The following ABCC11 variants were observed in gnomAD, a reference collection of about 807,000 sequenced individuals.
ABCC11 encodes the protein ATP-binding cassette sub-family C member 11.
In ABCC11, 135 loss-of-function variants were observed where a neutral mutation model predicts 149.3. That is an observed-to-expected ratio of 0.90 (90% confidence interval 0.79 to 1.04). The LOEUF (loss-of-function observed/expected upper bound fraction) is 1.04, where lower values mean the gene tolerates loss of function less well. Ranked by LOEUF, ABCC11 falls within the 50% of genes least tolerant of loss-of-function variation. The pLI, the probability that ABCC11 is intolerant of heterozygous loss-of-function variation, is 0.00. For synonymous variants in ABCC11, 665 were observed against 671.4 expected (o/e 0.99, Z 0.15); for missense variants, 1,680 against 1,722.1 (o/e 0.98, Z 0.43).
rs373983229 is a variant in ABCC11, at chr16:48,170,093, T to C, written c.3891+12A>G. Reference sequence around the variant, plus strand: ...GTGGCTTCCCCTGGCCACACGGCAGTGGTGGCCTCACCTTGGAGTTGCGAA... The same window carrying C: ...GTGGCTTCCCCTGGCCACACGGCAGCGGTGGCCTCACCTTGGAGTTGCGAA... On this transcript the variant is annotated intron_variant, in intron 28 of 29. Transcript: ENST00000356608. The C allele has an allele frequency of 3.3e-5, 53 of 1,606,544 alleles. 1 individual carries two copies. The highest frequency in any genetic ancestry group is 4.3e-5 in the Non-Finnish European group (50 of 1,173,622).
At chr16:48,197,872 G>A in intron 17 of ABCC11, 99 bp downstream of exon 17, 2 of 1,287,766 alleles carry the variant, frequency 1.6e-6, no homozygotes, top group Non-Finnish European at 2.2e-6. Flanking sequence ...AAGACACTGA[G>A]GGACATGGCC....
At chr16:48,197,004 AT>A (rs947495878) in intron 17 of ABCC11, among the ~76,000 whole-genome samples, 19 of 147,878 alleles carry the variant, frequency 1.3e-4, no homozygotes, top group African/African-American at 4.0e-4. Flanking sequence ...CAGGATGGAA[AT>A]TTTTTGAGTA....
chr16:48,171,172 C>T (rs1965694017), intron 26 of ABCC11, among the ~76,000 whole-genome samples: 1 of 152,170 alleles, frequency 6.6e-6, no homozygotes, highest in Admixed American at 6.5e-5. Context: ...GTTTAGGGGC[C>T]ACCTCCTCCC....
intron 27 of ABCC11, 112 bp from the exon 28 acceptor site, chr16:48,170,330 G>T (rs1019229686): frequency 6.2e-6 from 5 of 804,222 alleles, no homozygotes; most frequent in African/African-American, 1.7e-5. Context: ...CTCTCTCTAC[G>T]CTCCAGCCTC....
In ABCC11 at chr16:48,227,804, A is replaced by G. The variant is rs1423723472; in HGVS notation, c.395+2T>C. ...CCACTGGTTTGCCCAGCGCAGCTTC[A>G]CCTTTGGACATTTTTGTCTGAGGCA... On this transcript the variant is annotated splice_donor_variant, in intron 4 of 29. Coordinates refer to ENST00000356608, the MANE Select transcript of ABCC11 (RefSeq NM_001370497.1). LOFTEE classifies it high-confidence loss of function. 1.2e-6 allele frequency: 2 copies of G among 1,613,662 alleles called. No homozygotes were observed. The highest frequency in any genetic ancestry group is 1.7e-5 in the Admixed American group (1 of 59,986).
intron 12 of ABCC11, 53 bp from the exon 13 acceptor site, chr16:48,205,590 T>C (rs1333360586): frequency 6.3e-7 from 1 of 1,594,976 alleles, no homozygotes; most frequent in Non-Finnish European, 8.5e-7. Flanking sequence ...GGACAGAGCC[T>C]GCCTGGCTCA....
intron 19 of ABCC11, 51 bp from the exon 20 acceptor site, chr16:48,192,768 T>C: frequency 1.3e-6 from 2 of 1,584,938 alleles, no homozygotes; most frequent in African/African-American, 1.3e-5. Context: ...GGAAATTCAG[T>C]GGCAGGGAAA....
In ABCC11 at chr16:48,230,487, C is replaced by A. The variant is rs773819798; in HGVS notation, c.186G>T (p.Gly62=). The A allele has an allele frequency of 6.2e-7, 1 of 1,612,370 alleles. No homozygotes were observed. ...TGGTTCTCAAGGCAGCATCATACTTCCCCCACGGTGGGACAGCTGCCCTCC... is the reference window on the plus strand; with the variant it reads ...TGGTTCTCAAGGCAGCATCATACTTACCCCACGGTGGGACAGCTGCCCTCC... ...APGRAAVPPW[G]KYDAALRTMI... Residue 62 remains glycine, a synonymous_variant, in exon 3 of 30, where the codon GGG becomes GGT. Coordinates refer to ENST00000356608, the MANE Select transcript of ABCC11 (RefSeq NM_001370497.1).
At chr16:48,199,672 ATTTTTTTTTT>A (rs71134549) in intron 15 of ABCC11, among the ~76,000 whole-genome samples, 1 of 58,242 alleles carries the variant, frequency 1.7e-5, no homozygotes, top group Non-Finnish European at 3.1e-5. Context: ...TTTTTTATTG[ATTTTTTTTTT>A]TTTTTTTTTT....
At chr16:48,228,804 C>T (rs1180168643) in intron 3 of ABCC11, among the ~76,000 whole-genome samples, 1 of 151,690 alleles carries the variant, frequency 6.6e-6, no homozygotes, top group African/African-American at 2.4e-5. Flanking sequence ...AAATTGAATA[C>T]ATAAATAATT....
At chr16:48,246,449 G>T (rs1971391998) in intron 1 of ABCC11, among the ~76,000 whole-genome samples, 1 of 152,156 alleles carries the variant, frequency 6.6e-6, no homozygotes. Flanking sequence ...TCTTTCTACT[G>T]TGCATATGTA....
intron 1 of ABCC11, among the ~76,000 whole-genome samples, chr16:48,240,920 T>G (rs1386410495): frequency 6.6e-6 from 1 of 152,010 alleles, no homozygotes; most frequent in Non-Finnish European, 1.5e-5. Flanking sequence ...ATATATCACA[T>G]GGCCACAGCA....
chr16:48,214,512 C>CGAAGGGAAGGACT (rs1296490629), intron 9 of ABCC11, among the ~76,000 whole-genome samples: 1 of 152,126 alleles, frequency 6.6e-6, no homozygotes, highest in African/African-American at 2.4e-5. Flanking sequence ...GTTCCGACCA[C>CGAAGGGAAGGACT]GAAGGGAAGG....
In ABCC11 at chr16:48,208,453, C is replaced by T. The variant is rs779531495; in HGVS notation, c.1652G>A (p.Ser551Asn). ...GVCGNTGSGK[S>N]SLLSAILEEM... is the part of the protein sequence containing the mutation. ...CTCCAGGATGGCTGACAACAGGCTG[C>T]TCTTACCACTCCCCGTGTTGCCGCA... The change falls in exon 12 of 30, where the codon AGC (serine) becomes AAC (asparagine). Residue 551 changes from serine to asparagine, a missense_variant. Physicochemically the swap from Ser to Asn is conservative, Grantham distance 46 (BLOSUM62 1). Coordinates refer to ENST00000356608, the MANE Select transcript of ABCC11 (RefSeq NM_001370497.1). The T allele has an allele frequency of 9.9e-6, 16 of 1,614,060 alleles. No homozygotes were observed. Among genetic ancestry groups the T allele is most frequent in the Non-Finnish European group, 1.1e-5 (13 of 1,180,026 alleles).
Position 48,224,429 on chromosome 16 carries a change from C to G in ABCC11, c.396G>C (p.Arg132Ser), listed in dbSNP as rs199947088. The G allele has an allele frequency of 1.2e-5, 19 of 1,613,776 alleles. No individual in the cohort carries two copies. Among genetic ancestry groups the G allele is most frequent in the Non-Finnish European group, 1.5e-5 (18 of 1,179,886 alleles). ...VHDASDKNVQ[R>S]LHRLWEEEVS... ...CTTCTTCTTCCCAAAGGCGGTGAAGCCTTGAAAAGAGGATAATGGAACTGG... is the reference window on the plus strand; with the variant it reads ...CTTCTTCTTCCCAAAGGCGGTGAAGGCTTGAAAAGAGGATAATGGAACTGG... Residue 132 changes from arginine to serine, a missense_variant and splice_region_variant, in exon 5 of 30, where the codon AGG becomes AGC. By Grantham distance (110) the Arg-to-Ser change is moderately radical (BLOSUM62 -1). Coordinates refer to ENST00000356608, the MANE Select transcript of ABCC11 (RefSeq NM_001370497.1).
chr16:48,194,416 G>A (rs1353163110), intron 18 of ABCC11, among the ~76,000 whole-genome samples: 1 of 152,160 alleles, frequency 6.6e-6, no homozygotes, highest in Non-Finnish European at 1.5e-5. Context: ...CTTTTATGTG[G>A]TACGTACTAT....
intron 23 of ABCC11, among the ~76,000 whole-genome samples, chr16:48,179,881 T>C (rs1373342740): frequency 2.0e-5 from 3 of 152,182 alleles, no homozygotes; most frequent in Non-Finnish European, 4.4e-5. Context: ...ATTCTCAGAA[T>C]ACATCCAGGC....
At chr16:48,188,666 T>A (rs1423678188) in intron 20 of ABCC11, among the ~76,000 whole-genome samples, 1 of 152,194 alleles carries the variant, frequency 6.6e-6, no homozygotes, top group Non-Finnish European at 1.5e-5. Context: ...GAAGAGGAAG[T>A]GGCTCTGTAA....
chr16:48,174,303 A>G (rs558707398), intron 26 of ABCC11, among the ~76,000 whole-genome samples: 1 of 152,328 alleles, frequency 6.6e-6, no homozygotes, highest in South Asian at 2.1e-4. Context: ...AGCTCAGAAA[A>G]GGCAAGTTAA....
Sources: allele counts gnomAD v4.1 joint callset (sites outside exome capture counted in the v4.1 genomes callset), GRCh38; gene constraint gnomAD v4.1.1; transcripts MANE v1.5; gene names NCBI Gene and HGNC (gene_info 2026-07-23, HGNC 2026-07-21).